Variants in ABCD2 observed in about 807,000 individuals in gnomAD.
The protein encoded by ABCD2 is ATP-binding cassette sub-family D member 2.
A neutral mutation model predicts 70.9 loss-of-function variants in ABCD2; 36 were observed. The ratio of observed to expected loss-of-function variants is 0.51; its 90% CI spans 0.39 to 0.67. The LOEUF is 0.67. Among genes scored for constraint, ABCD2 ranks in the 30% least tolerant of loss-of-function variants. The probability of loss-of-function intolerance (pLI) is 0.00; values close to 1 mark genes in which losing one functional copy is unlikely to be tolerated. For missense variants in ABCD2, 729 were observed against 890.2 expected (o/e 0.82, Z 2.30); for synonymous variants, 304 against 306.9 (o/e 0.99, Z 0.10).
the ABCD2 span, among the ~76,000 whole-genome samples, chr12:39,542,235 G>T: frequency 2.7e-3 from 406 of 152,208 alleles, 2 homozygotes; most frequent in African/African-American, 9.3e-3. Context: ...AGGCCAAGGC[G>T]GGCGGATCAT....
At chr12:39,599,516 C>A (rs1471884667) in intron 6 of ABCD2, among the ~76,000 whole-genome samples, 1 of 152,104 alleles carries the variant, frequency 6.6e-6, no homozygotes, top group Non-Finnish European at 1.5e-5. Context: ...TTGTGTTAAA[C>A]ACAAATATCT....
rs545327045 is a variant in ABCD2, at chr12:39,553,954, G to A, written c.2181C>T (p.Asp727=). The A allele has an allele frequency of 6.2e-7, 1 of 1,612,730 alleles. No homozygotes were observed. Among genetic ancestry groups the A allele is most frequent in the South Asian group, 1.1e-5 (1 of 91,052 alleles). The part of the protein sequence containing the change: ...LNELCKILGE[D]SVLKTIKNED... ...CATTTTTAATTGTTTTCAGCACTGAGTCTTCTCCCAAAATTTTACATAGTT... is the reference window on the plus strand; with the variant it reads ...CATTTTTAATTGTTTTCAGCACTGAATCTTCTCCCAAAATTTTACATAGTT... Residue 727 remains aspartate, a synonymous_variant, in exon 10 of 10, where the codon GAC becomes GAT. Coordinates refer to ENST00000308666, the MANE Select transcript of ABCD2 (RefSeq NM_005164.4).
chr12:39,545,271 ACT>A (rs1317029271), downstream of ABCD2, among the ~76,000 whole-genome samples: 1 of 152,172 alleles, frequency 6.6e-6, no homozygotes, highest in East Asian at 1.9e-4. Context: ...CTTAGATAGG[ACT>A]CTGTTCCATG....
chr12:39,593,342 T>A (rs957677238), intron 6 of ABCD2, among the ~76,000 whole-genome samples: 1 of 152,114 alleles, frequency 6.6e-6, no homozygotes, highest in Non-Finnish European at 1.5e-5. Context: ...AGCCTCAACT[T>A]CCCAGACTCA....
chr12:39,534,887 A>G, the ABCD2 span, among the ~76,000 whole-genome samples: 26 of 3,294 alleles, frequency 7.9e-3, no homozygotes, highest in Middle Eastern at 0.33. Context: ...AAGGAAGGAA[A>G]GAAAGAAAGA....
At chr12:39,534,794 G>GAA in the ABCD2 span, among the ~76,000 whole-genome samples, 2 of 132,440 alleles carry the variant, frequency 1.5e-5, no homozygotes, top group South Asian at 2.4e-4. Context: ...AAGAAAGAAA[G>GAA]AAAGAAAGAA....
At chr12:39,596,424 GA>G (rs1026955883) in intron 6 of ABCD2, among the ~76,000 whole-genome samples, 13 of 150,654 alleles carry the variant, frequency 8.6e-5, no homozygotes, top group South Asian at 2.1e-4. Flanking sequence ...AAGACTAAAT[GA>G]AAAAAAAATT....
At chr12:39,565,054 G>A (rs185788339) in intron 9 of ABCD2, among the ~76,000 whole-genome samples, 22 of 152,128 alleles carry the variant, frequency 1.4e-4, no homozygotes, top group East Asian at 3.9e-4. Context: ...GTTTGAAGTC[G>A]GGTAGCGTGA....
chr12:39,578,924 T>C (rs946391196), intron 8 of ABCD2, among the ~76,000 whole-genome samples: 3 of 152,146 alleles, frequency 2.0e-5, no homozygotes, highest in African/African-American at 7.2e-5. Flanking sequence ...GATTGTATAG[T>C]CTTCATATTT....
At chr12:39,604,993 A>G (rs1039883229) in intron 3 of ABCD2, 63 bp from the exon 4 acceptor site, 5 of 1,282,662 alleles carry the variant, frequency 3.9e-6, no homozygotes, top group Non-Finnish European at 5.2e-6. Context: ...TTAAATAAAT[A>G]TGTAATCAGA....
At chr12:39,594,713 T>C (rs7307784) in intron 6 of ABCD2, among the ~76,000 whole-genome samples, 42,290 of 152,068 alleles carry the variant, frequency 0.28, 8,217 homozygotes, top group African/African-American at 0.56. Flanking sequence ...GTGGCTCACG[T>C]GTTTAATCCC....
chr12:39,574,365 C>G (rs987361849), intron 8 of ABCD2, among the ~76,000 whole-genome samples: 2 of 152,096 alleles, frequency 1.3e-5, no homozygotes, highest in African/African-American at 2.4e-5. Context: ...AAATTTATAA[C>G]ACACATTTAA....
At chr12:39,605,940 A>T (rs1941963991) in intron 3 of ABCD2, among the ~76,000 whole-genome samples, 1 of 152,206 alleles carries the variant, frequency 6.6e-6, no homozygotes, top group African/African-American at 2.4e-5. Flanking sequence ...CTACTGAGAG[A>T]TCTGTAATTA....
intron 6 of ABCD2, 106 bp downstream of exon 6, chr12:39,600,464 CT>C (rs1566576618): frequency 9.0e-7 from 1 of 1,107,528 alleles, no homozygotes; most frequent in Non-Finnish European, 1.3e-6. Flanking sequence ...AATAGTTTCT[CT>C]TAATAAAAAC....
At chr12:39,587,595 G>C (rs533768558) in intron 6 of ABCD2, among the ~76,000 whole-genome samples, 17 of 152,262 alleles carry the variant, frequency 1.1e-4, no homozygotes, top group African/African-American at 4.1e-4. Flanking sequence ...AGGAAACACA[G>C]GAAGAGTAAA....
At chr12:39,569,954 G>GA (rs1160570768) in intron 9 of ABCD2, among the ~76,000 whole-genome samples, 1 of 151,982 alleles carries the variant, frequency 6.6e-6, no homozygotes, top group East Asian at 1.9e-4. Context: ...CAAATTATGT[G>GA]AAAAAAATCA....
rs1941079860 is a variant in ABCD2 at position 39,550,984 on chromosome 12, G to A, written c.*2928C>T. ...AATAAAAACTAGGATATTCATTTAT[G>A]CCTTTACTGACAGACCAAAACTTGA... On this transcript the variant is annotated 3_prime_UTR_variant, in exon 10 of 10. Transcript: ENST00000308666. The A allele has an allele frequency of 1.3e-5, 2 of 151,624 alleles. No homozygotes were observed. Among genetic ancestry groups the A allele is most frequent in the Non-Finnish European group, 3.0e-5 (2 of 67,648 alleles). The allele number at this position is 151,624 out of a possible 1,614,324, so 9.4% of individuals were successfully genotyped here. A position where few individuals can be genotyped will look rare whatever the true frequency, so the allele number is the denominator to read the frequency against.
intron 9 of ABCD2, among the ~76,000 whole-genome samples, chr12:39,561,253 T>G (rs1342356571): frequency 1.3e-5 from 2 of 149,182 alleles, no homozygotes; most frequent in South Asian, 2.1e-4. Flanking sequence ...AATAGCTGGG[T>G]TTTGTGGTGG....
At chr12:39,590,163 T>C (rs1194110431) in intron 6 of ABCD2, among the ~76,000 whole-genome samples, 1 of 152,208 alleles carries the variant, frequency 6.6e-6, no homozygotes, top group Non-Finnish European at 1.5e-5. Context: ...CAAGTTTCTG[T>C]AGTCCTACCA....
Sources: allele counts gnomAD v4.1 joint callset (sites outside exome capture counted in the v4.1 genomes callset), GRCh38; gene constraint gnomAD v4.1.1; transcripts MANE v1.5; gene names NCBI Gene and HGNC (gene_info 2026-07-23, HGNC 2026-07-21).